MLLT3: variants seen among roughly 807,000 people sequenced by gnomAD.
MLLT3 encodes MLLT3 super elongation complex subunit, also known as protein AF-9.
A neutral mutation model predicts 53.2 loss-of-function variants in MLLT3; 4 were observed. The ratio of observed to expected loss-of-function variants is 0.08; its 90% CI spans 0.04 to 0.17. The LOEUF is 0.17. Among genes scored for constraint, MLLT3 ranks in the 10% least tolerant of loss-of-function variants. MLLT3 has a pLI of 1.00. For missense variants in MLLT3, 569 were observed against 684.0 expected (o/e 0.83, Z 1.87); for synonymous variants, 283 against 230.6 (o/e 1.23, Z -2.06).
intron 2 of MLLT3, among the ~76,000 whole-genome samples, chr9:20,536,378 T>G (rs763739651): frequency 6.6e-6 from 1 of 152,134 alleles, no homozygotes; most frequent in Admixed American, 6.5e-5. Flanking sequence ...GAAGACACCA[T>G]GAGAAAGCCT....
intron 2 of MLLT3, among the ~76,000 whole-genome samples, chr9:20,534,281 T>C (rs1818421472): frequency 6.6e-6 from 1 of 152,126 alleles, no homozygotes; most frequent in Non-Finnish European, 1.5e-5. Context: ...TGAACAGCAA[T>C]GGCAACGATG....
intron 2 of MLLT3, among the ~76,000 whole-genome samples, chr9:20,565,301 G>A (rs995420547): frequency 7.9e-5 from 12 of 152,160 alleles, no homozygotes; most frequent in African/African-American, 2.9e-4. Flanking sequence ...GCTACACTTA[G>A]AACAGTTTGG....
chr9:20,483,121 C>T (rs956287762), intron 2 of MLLT3, among the ~76,000 whole-genome samples: 23 of 152,114 alleles, frequency 1.5e-4, no homozygotes, highest in Non-Finnish European at 4.4e-5. Context: ...TCATTTCAGA[C>T]TCTTAAAAGC....
chr9:20,436,694 T>C (rs1823414338), intron 4 of MLLT3, among the ~76,000 whole-genome samples: 1 of 152,190 alleles, frequency 6.6e-6, no homozygotes, highest in Non-Finnish European at 1.5e-5. Flanking sequence ...ATCTCTTGCT[T>C]GACTGATTTC....
At chr9:20,568,021 A>T (rs767590061) in intron 2 of MLLT3, among the ~76,000 whole-genome samples, 3 of 152,168 alleles carry the variant, frequency 2.0e-5, no homozygotes, top group African/African-American at 7.2e-5. Context: ...AATAATTCCC[A>T]ATTAATAAAC....
chr9:20,481,690 A>C (rs986062568), intron 2 of MLLT3, among the ~76,000 whole-genome samples: 3 of 152,150 alleles, frequency 2.0e-5, no homozygotes, highest in Non-Finnish European at 4.4e-5. Flanking sequence ...CAGATCCTTC[A>C]ATCAATGACA....
intron 2 of MLLT3, among the ~76,000 whole-genome samples, chr9:20,526,258 T>A (rs574392270): frequency 9.1e-4 from 138 of 152,262 alleles, no homozygotes; most frequent in Non-Finnish European, 1.8e-3. Flanking sequence ...TTGATGAAGT[T>A]AAACTAAATC....
At chr9:20,492,982 T>C (rs1824987518) in intron 2 of MLLT3, among the ~76,000 whole-genome samples, 1 of 151,914 alleles carries the variant, frequency 6.6e-6, no homozygotes, top group Non-Finnish European at 1.5e-5. Flanking sequence ...CAAGAATGAA[T>C]GTCACAAGTC....
intron 2 of MLLT3, among the ~76,000 whole-genome samples, chr9:20,504,953 T>G (rs995867748): frequency 1.3e-5 from 2 of 152,126 alleles, no homozygotes; most frequent in African/African-American, 4.8e-5. Context: ...AAAAATGGTT[T>G]GACGGAAAGG....
chr9:20,521,516 CA>C (rs1480327488), intron 2 of MLLT3, among the ~76,000 whole-genome samples: 2 of 151,694 alleles, frequency 1.3e-5, no homozygotes, highest in Non-Finnish European at 2.9e-5. Flanking sequence ...GAAATGAGTT[CA>C]AAACCCTCAA....
chr9:20,360,766 G>A lies in MLLT3; in HGVS notation c.1407C>T (p.Pro469=). The part of the protein sequence containing the change: ...SSPLHHEPPP[P]LLKTNNNQIL... ...CCTGGTTGTTGTTGGTTTTTAGTAAGGGTGGTGGAGGTTCGTGATGTAGGG... is the reference window on the plus strand; with the variant it reads ...CCTGGTTGTTGTTGGTTTTTAGTAAAGGTGGTGGAGGTTCGTGATGTAGGG... The change falls in exon 8 of 11, where the codon CCC becomes CCT. Residue 469 remains proline (P), a synonymous_variant. Coordinates refer to ENST00000380338, the MANE Select transcript of MLLT3 (RefSeq NM_004529.4). The A allele has an allele frequency of 1.9e-6, 3 of 1,614,042 alleles. No individual in the cohort carries two copies. Among genetic ancestry groups the A allele is most frequent in the Admixed American group, 1.7e-5 (1 of 60,024 alleles).
chr9:20,395,010 C>T lies in MLLT3; in HGVS notation c.1125+18711G>A, dbSNP rs554697357. 7.9e-5 allele frequency among the ~76,000 whole-genome samples: 12 copies of T among 152,164 alleles called. No homozygotes were observed. The South Asian group carries it at 1.7e-3, about 21-fold the overall frequency. On this transcript the variant is annotated intron_variant, in intron 5 of 10. Transcript: ENST00000380338. Reference sequence around the variant, plus strand: ...AGGTCCCACAAGAGTAAGGAAAGGGCGTAATCTCCCCTATGTTCAATGGTC... The same window carrying T: ...AGGTCCCACAAGAGTAAGGAAAGGGTGTAATCTCCCCTATGTTCAATGGTC...
At chr9:20,373,508 T>C (rs1323686356) in intron 5 of MLLT3, among the ~76,000 whole-genome samples, 1 of 152,240 alleles carries the variant, frequency 6.6e-6, no homozygotes, top group Admixed American at 6.5e-5. Flanking sequence ...AAGAGCATAC[T>C]TCCTCTTTAG....
chr9:20,614,475 A>T lies in MLLT3; in HGVS notation c.193+6179T>A, dbSNP rs190388215. On this transcript the variant is annotated intron_variant, in intron 2 of 10. Transcript: ENST00000380338. The stretch of plus-strand genomic sequence containing the variant: ...AGGCACGCACATAGTAGGAGCTAAA[A>T]AAAAGCACACACTTGTTGAATGAAT... Among the ~76,000 whole-genome samples, 394 of 152,244 alleles carry T rather than the reference A, an allele frequency of 2.6e-3. 4 individuals are homozygous for T. Among genetic ancestry groups the T allele is most frequent in the African/African-American group, 9.0e-3 (375 of 41,526 alleles).
In MLLT3 at chr9:20,570,403, G is replaced by C. The variant is rs538433805; in HGVS notation, c.193+50251C>G. Among the ~76,000 whole-genome samples, 15 of 152,258 alleles carry C rather than the reference G, an allele frequency of 9.9e-5. No homozygotes were observed. In the South Asian group the frequency reaches 3.1e-3, roughly 32 times the overall value. ...TTATTCACTAACACTTAAGAGAAAT[G>C]AAACTAAAATTAATATGGCTAAACA... On this transcript the variant is annotated intron_variant, in intron 2 of 10. Transcript: ENST00000380338.
intron 2 of MLLT3, among the ~76,000 whole-genome samples, chr9:20,548,171 T>G (rs1818838745): frequency 6.6e-6 from 1 of 152,366 alleles, no homozygotes; most frequent in Admixed American, 6.5e-5. Flanking sequence ...AAATGAAATT[T>G]AGAATTCAAT....
At chr9:20,493,462 C>T (rs1825003719) in intron 2 of MLLT3, among the ~76,000 whole-genome samples, 2 of 151,940 alleles carry the variant, frequency 1.3e-5, no homozygotes, top group African/African-American at 4.8e-5. Context: ...CTCAACTTCA[C>T]AGACAAGTCT....
chr9:20,598,926 CA>C (rs1820343472), intron 2 of MLLT3, among the ~76,000 whole-genome samples: 1 of 152,050 alleles, frequency 6.6e-6, no homozygotes, highest in Non-Finnish European at 1.5e-5. Context: ...GAAAGGGAAA[CA>C]AAAATTAAAG....
intron 10 of MLLT3, among the ~76,000 whole-genome samples, chr9:20,351,937 C>A (rs190803486): frequency 1.3e-5 from 2 of 152,332 alleles, no homozygotes. Flanking sequence ...GAGCTTTCAA[C>A]CGGCCTGGGA....
Sources: gnomAD v4.1 joint callset for allele counts (sites outside exome capture counted in the v4.1 genomes callset) on GRCh38, gnomAD v4.1.1 for gene constraint, MANE v1.5 for transcripts, NCBI Gene and HGNC (gene_info 2026-07-23, HGNC 2026-07-21) for gene names.